UBE2F: variants seen among roughly 807,000 people sequenced by gnomAD.
UBE2F encodes ubiquitin conjugating enzyme E2 F (putative).
Under a neutral mutation model 29.6 loss-of-function variants are expected in UBE2F, and 5 were observed. The ratio of observed to expected loss-of-function variants is 0.17; its 90% CI spans 0.09 to 0.36. The LOEUF (loss-of-function observed/expected upper bound fraction) is 0.36. Ranked by LOEUF, UBE2F falls within the 10% of genes least tolerant of loss-of-function variation. The pLI is 1.00. For missense variants in UBE2F, 141 were observed against 228.5 expected, an observed-to-expected ratio of 0.62 and a Z score of 2.47; for synonymous variants, 66 against 81.8, an observed-to-expected ratio of 0.81 and a Z score of 1.04.
chr2:238,030,024 C>A (rs1222207793), intron 6 of UBE2F, among the ~76,000 whole-genome samples: 3 of 151,778 alleles, frequency 2.0e-5, no homozygotes, highest in Non-Finnish European at 4.4e-5. Flanking sequence ...CAGCTCACTG[C>A]AGCCTTGAAC....
intron 5 of UBE2F, among the ~76,000 whole-genome samples, chr2:238,020,940 G>A (rs1003421260): frequency 6.6e-6 from 1 of 152,168 alleles, no homozygotes; most frequent in African/African-American, 2.4e-5. Context: ...TGTGGGTGAC[G>A]GCTATTCCTC....
intron 8 of UBE2F, 42 bp from the exon 9 acceptor site, chr2:238,035,836 G>A (rs1177778543): frequency 2.0e-6 from 3 of 1,527,308 alleles, no homozygotes; most frequent in East Asian, 2.3e-5. Flanking sequence ...CAGCAGAAAA[G>A]CAGTTCTCCC....
At chr2:237,977,173 G>C (rs1380985077) in intron 2 of UBE2F, among the ~76,000 whole-genome samples, 2 of 152,092 alleles carry the variant, frequency 1.3e-5, no homozygotes, top group East Asian at 3.9e-4. Context: ...GGTTGACAGG[G>C]CCCAGCTGAG....
intron 9 of UBE2F, among the ~76,000 whole-genome samples, chr2:238,039,229 C>G (rs1209109025): frequency 6.6e-6 from 1 of 152,020 alleles, no homozygotes; most frequent in Non-Finnish European, 1.5e-5. Flanking sequence ...GAGCGAAACT[C>G]CATCTCAAAA....
chr2:238,003,060 T>A (rs1475805389), intron 4 of UBE2F, among the ~76,000 whole-genome samples: 2 of 152,224 alleles, frequency 1.3e-5, no homozygotes, highest in Non-Finnish European at 2.9e-5. Context: ...AGTTTACATG[T>A]AGTTTATTGT....
In UBE2F at chr2:238,033,323, C is replaced by T. The variant is rs138395452; in HGVS notation, c.444+1069C>T. Reference sequence around the variant, plus strand: ...TGGATTTTTTTTATACGATATTATACGTTCCTTTGAATTTTTACTTTTCGA... The same window carrying T: ...TGGATTTTTTTTATACGATATTATATGTTCCTTTGAATTTTTACTTTTCGA... On this transcript the variant is annotated intron_variant, in intron 8 of 9. Transcript: ENST00000272930. 4.9e-3 allele frequency among the ~76,000 whole-genome samples: 748 copies of T among 152,274 alleles called. 8 individuals are homozygous for T. Among genetic ancestry groups the T allele is most frequent in the African/African-American group, 0.017 (720 of 41,548 alleles).
At position 237,982,265 on chromosome 2, in the gene UBE2F, G is replaced by A. The variant is rs1409571749; in HGVS notation, c.119-5698G>A. Among the ~76,000 whole-genome samples, 2 of 151,758 alleles carry A rather than the reference G, an allele frequency of 1.3e-5. No homozygotes were observed. The highest frequency in any genetic ancestry group is 2.9e-5 in the Non-Finnish European group (2 of 67,954). ...TGGCCCCTGAGTGCCTCTTGCTCCC[G>A]CACCCCTATCCCCGTAGGAGAAGGG... On this transcript the variant is annotated intron_variant, in intron 2 of 9. Coordinates refer to ENST00000272930, the MANE Select transcript of UBE2F (RefSeq NM_080678.3). This position sits in a 1 kb window ranked among gnomAD's most constrained non-coding sequence, Gnocchi z 4.1.
intron 4 of UBE2F, among the ~76,000 whole-genome samples, chr2:238,002,785 TTTTA>T (rs994131935): frequency 6.6e-6 from 1 of 151,218 alleles, no homozygotes; most frequent in African/African-American, 2.4e-5. Flanking sequence ...CTAATTTTTA[TTTTA>T]TTTATTTATT....
At chr2:237,985,972 C>A (rs551614181) in intron 2 of UBE2F, among the ~76,000 whole-genome samples, 2 of 152,076 alleles carry the variant, frequency 1.3e-5, no homozygotes, top group African/African-American at 4.8e-5. Context: ...TATCTGTTGG[C>A]CATTTTTATT....
intron 2 of UBE2F, among the ~76,000 whole-genome samples, chr2:237,980,839 G>T (rs575706320): frequency 6.6e-6 from 1 of 152,334 alleles, no homozygotes; most frequent in African/African-American, 2.4e-5. Context: ...GGTATGCAGG[G>T]TCAGGGAGCA....
intron 8 of UBE2F, chr2:238,035,300 A>G (rs2064682099): frequency 6.5e-6 from 1 of 154,910 alleles, no homozygotes; most frequent in Non-Finnish European, 1.4e-5. Context: ...TAGCCATTGC[A>G]GTGCTTTTCC....
chr2:238,003,191 GT>G (rs34307842), intron 4 of UBE2F, among the ~76,000 whole-genome samples: 142 of 147,102 alleles, frequency 9.7e-4, no homozygotes, highest in Middle Eastern at 3.5e-3. Flanking sequence ...AAGAAGCACA[GT>G]TTTTTTTTTT....
chr2:238,029,862 C>G (rs1486791937), intron 6 of UBE2F, among the ~76,000 whole-genome samples: 2 of 152,138 alleles, frequency 1.3e-5, no homozygotes, highest in Non-Finnish European at 2.9e-5. Context: ...TAGGATTGTG[C>G]CTGACATACA....
At chr2:237,977,956 G>A (rs967019535) in intron 2 of UBE2F, among the ~76,000 whole-genome samples, 1 of 152,062 alleles carries the variant, frequency 6.6e-6, no homozygotes, top group Admixed American at 6.6e-5. Context: ...TTACTAAGGG[G>A]TACCTTTGGG....
intron 4 of UBE2F, chr2:238,003,285 C>CATT (rs879899084): frequency 2.3e-4 from 108 of 459,604 alleles, no homozygotes; most frequent in Non-Finnish European, 3.7e-4. Flanking sequence ...GATGTTAGCT[C>CATT]TTAAAATGTC....
chr2:237,985,950 C>T (rs2063473941), intron 2 of UBE2F, among the ~76,000 whole-genome samples: 1 of 152,098 alleles, frequency 6.6e-6, no homozygotes, highest in Non-Finnish European at 1.5e-5. Context: ...TGATGTTGAG[C>T]ACCTTTGCAT....
At chr2:237,974,517 T>TG (rs1207072662) in intron 2 of UBE2F, among the ~76,000 whole-genome samples, 4 of 140,782 alleles carry the variant, frequency 2.8e-5, no homozygotes, top group Non-Finnish European at 6.2e-5. Context: ...TTTTTTTTGT[T>TG]TTTTTTTTTT....
At chr2:238,030,227 C>T (rs1353950165) in intron 6 of UBE2F, among the ~76,000 whole-genome samples, 4 of 152,304 alleles carry the variant, frequency 2.6e-5, no homozygotes, top group African/African-American at 9.6e-5. Context: ...AGCCACCATA[C>T]CCAGCCACCA....
At position 238,032,230 on chromosome 2, in the gene UBE2F, T is replaced by C; in HGVS notation, c.420T>C (p.Val140=). The C allele has an allele frequency of 1.2e-6, 2 of 1,613,326 alleles. No homozygotes were observed. Among genetic ancestry groups the C allele is most frequent in the Non-Finnish European group, 1.7e-6 (2 of 1,179,424 alleles). Residue 140 remains valine (V), a synonymous_variant, in exon 8 of 10, where the codon GTT becomes GTC. Coordinates refer to ENST00000272930, the MANE Select transcript of UBE2F (RefSeq NM_080678.3). The part of the protein sequence containing the change: ...WAPTRTLKDV[V]WGLNSLFTDL... ...TTTCTTTTTTATTTCAGGATGTCGT[T>C]TGGGGATTAAACTCTTTGTTTACTG...
Sources: gnomAD v4.1 joint callset for allele counts (sites outside exome capture counted in the v4.1 genomes callset) on GRCh38, gnomAD v4.1.1 for gene constraint, Gnocchi (gnomAD v3.1) non-coding constraint, MANE v1.5 for transcripts, NCBI Gene and HGNC (gene_info 2026-07-23, HGNC 2026-07-21) for gene names.